LAMA3: variants seen among roughly 807,000 people sequenced by gnomAD.
LAMA3 encodes laminin subunit alpha-3.
In LAMA3, 281 loss-of-function variants were observed where a neutral mutation model predicts 402.0. The observed-to-expected ratio is 0.70, with a 90% CI of 0.63 to 0.77. The LOEUF is 0.77. Among genes scored for constraint, LAMA3 ranks in the 30% least tolerant of loss-of-function variants. The probability of loss-of-function intolerance (pLI) is 0.00; values close to 1 mark genes in which losing one functional copy is unlikely to be tolerated. For synonymous variants in LAMA3, 1,431 were observed against 1,558.4 expected (o/e 0.92, Z 1.93); for missense variants, 3,840 against 4,215.5 (o/e 0.91, Z 2.47).
At position 23,871,586 on chromosome 18, in the gene LAMA3, C is replaced by T. The variant is rs781251580; in HGVS notation, c.4923C>T (p.Asp1641=). ...AGGTGGGGCTAGAGGAAGCCTCTGACACAGGAAGTGGGCGCATAGCACTTG... is the reference window on the plus strand; with the variant it reads ...AGGTGGGGCTAGAGGAAGCCTCTGATACAGGAAGTGGGCGCATAGCACTTG... ...LSEVGLEEAS[D]TGSGRIALAV... Residue 1641 remains aspartate (D), a synonymous_variant, in exon 38 of 75, where the codon GAC becomes GAT. Coordinates refer to ENST00000313654, the MANE Select transcript of LAMA3 (RefSeq NM_198129.4). The T allele has an allele frequency of 2.1e-5, 34 of 1,614,014 alleles. No homozygotes were observed. Among genetic ancestry groups the T allele is most frequent in the East Asian group, 8.9e-5 (4 of 44,900 alleles).
intron 1 of LAMA3, among the ~76,000 whole-genome samples, chr18:23,704,300 G>A (rs571836635): frequency 3.4e-4 from 52 of 152,250 alleles, no homozygotes; most frequent in African/African-American, 8.7e-4. Context: ...GTTTCACACC[G>A]TCCAAATCTA....
intron 70 of LAMA3, 88 bp downstream of exon 70, chr18:23,946,372 T>C (rs2082714549): frequency 7.6e-7 from 1 of 1,321,990 alleles, no homozygotes; most frequent in African/African-American, 1.4e-5. Flanking sequence ...ATACTCACCA[T>C]ATGAGAATCT....
chr18:23,839,905 T>C lies in LAMA3; in HGVS notation c.3312T>C (p.Pro1104=), dbSNP rs766030256. ...CGTCACCTTCTGTTGATGTTCTTCC[T>C]GGGGTCACCTTGAAGGCACCGCAGG... ...QQSSPSVDVL[P]GVTLKAPQNQ... is the part of the protein sequence containing the mutation. The change falls in exon 27 of 75, where the codon CCT becomes CCC. Residue 1104 remains proline (P), a synonymous_variant. Transcript: ENST00000313654. The surrounding 1 kb of genome is among the most constrained non-coding windows in gnomAD (Gnocchi z 4.5). The C allele has an allele frequency of 3.1e-6, 5 of 1,614,224 alleles. No individual in the cohort carries two copies. The South Asian group carries it at 4.4e-5, about 14-fold the overall frequency.
At chr18:23,875,070 G>T (rs545687911) in intron 38 of LAMA3, among the ~76,000 whole-genome samples, 9 of 152,236 alleles carry the variant, frequency 5.9e-5, no homozygotes, top group Admixed American at 1.3e-4. Flanking sequence ...TCACCATGTT[G>T]CCCAGGCTGA....
intron 15 of LAMA3, 29 bp from the exon 16 acceptor site, chr18:23,815,159 A>C: frequency 1.2e-6 from 2 of 1,605,008 alleles, no homozygotes; most frequent in Non-Finnish European, 1.7e-6. Context: ...TGTCTCCCTT[A>C]GTTCAAGGAT....
intron 41 of LAMA3, among the ~76,000 whole-genome samples, chr18:23,889,694 A>AAGGG (rs1159391824): frequency 6.0e-5 from 5 of 83,000 alleles, no homozygotes; most frequent in African/African-American, 1.9e-4. Context: ...GGAAGGAAGG[A>AAGGG]AGGGAGGGAG....
rs2063783601 is a variant in LAMA3, at chr18:23,845,058, A to T, written c.3653A>T (p.His1218Leu). The change falls in exon 30 of 75, where the codon CAC becomes CTC. Residue 1218 changes from histidine (H) to leucine (L), a missense_variant. His to Leu is a moderately conservative substitution (Grantham distance 99, BLOSUM62 -3). This residue lies in a region of LAMA3 where 2,109 missense variants were observed against 2,376.0 expected (regional missense o/e 0.89). Transcript: ENST00000313654. Reference sequence around the variant, plus strand: ...GAAAACTATGACTACCAAATACTTCACAAAAAATCCATGGACAAGTCACTC... The same window carrying T: ...GAAAACTATGACTACCAAATACTTCTCAAAAAATCCATGGACAAGTCACTC... ...PAENYDYQILHKKSMDKSLEF... is the reference protein window; with the variant it reads ...PAENYDYQILLKKSMDKSLEF... 1 of 1,613,450 alleles carries T rather than the reference A, an allele frequency of 6.2e-7. No homozygotes were observed. The highest frequency in any genetic ancestry group is 1.3e-5 in the African/African-American group (1 of 74,912).
At chr18:23,789,011 G>A (rs1426836562) in intron 12 of LAMA3, among the ~76,000 whole-genome samples, 2 of 151,874 alleles carry the variant, frequency 1.3e-5, no homozygotes, top group African/African-American at 4.8e-5. Context: ...AAGGCAACCT[G>A]AAAATGAGTA....
At chr18:23,943,706 C>A in intron 68 of LAMA3, 82 bp from the exon 69 acceptor site, 1 of 1,318,702 alleles carries the variant, frequency 7.6e-7, no homozygotes, top group Non-Finnish European at 1.1e-6. Flanking sequence ...TGGGTGTTTG[C>A]TCCCCACCCT....
intron 1 of LAMA3, among the ~76,000 whole-genome samples, chr18:23,691,633 G>C (rs2145794977): frequency 6.6e-6 from 1 of 152,250 alleles, no homozygotes; most frequent in East Asian, 1.9e-4. Context: ...GTGCAGTGGT[G>C]CTATCTTGGC....
In LAMA3 at chr18:23,896,107, G is replaced by A. The variant is rs1351594575; in HGVS notation, c.5613+1049G>A. ...TCCCAGCGCTTTGGGAGGCCGAGGC[G>A]GGTAGATCACTTGAGCCCAGGACTT... On this transcript the variant is annotated intron_variant, in intron 44 of 74. Transcript: ENST00000313654. Among the ~76,000 whole-genome samples the A allele has an allele frequency of 3.9e-5, 6 of 152,080 alleles. No individual in the cohort carries two copies. The East Asian group carries it at 7.7e-4, about 20-fold the overall frequency.
At chr18:23,893,271 T>C (rs1389923394) in intron 42 of LAMA3, among the ~76,000 whole-genome samples, 2 of 152,166 alleles carry the variant, frequency 1.3e-5, no homozygotes, top group Non-Finnish European at 2.9e-5. Context: ...TGAGAGGACA[T>C]GTCAATGTCA....
Position 23,912,896 on chromosome 18 carries a change from G to A in LAMA3, c.7329+15G>A, listed in dbSNP as rs778567412. ...GAAATAAAGATGTAAGTATTGCTTG[G>A]ACATCTCTCTTGTTTTTGAAACAAT... On this transcript the variant is annotated intron_variant, in intron 56 of 74. Transcript: ENST00000313654. 6.2e-6 allele frequency: 10 copies of A among 1,607,998 alleles called. No individual in the cohort carries two copies. In the African/African-American group the frequency reaches 1.3e-4, roughly 21 times the overall value.
At chr18:23,856,681 C>T (rs544893880) in intron 32 of LAMA3, among the ~76,000 whole-genome samples, 1 of 152,154 alleles carries the variant, frequency 6.6e-6, no homozygotes. Flanking sequence ...CTCCCACCCC[C>T]CACTGTGCTT....
intron 34 of LAMA3, among the ~76,000 whole-genome samples, chr18:23,860,177 C>T (rs4800518): frequency 0.16 from 23,671 of 151,764 alleles, 4,129 homozygotes; most frequent in African/African-American, 0.42. Context: ...ACACCCCTCA[C>T]TTCTCATTTT....
chr18:23,857,805 CAA>C (rs1300431644), intron 32 of LAMA3, 37 bp from the exon 33 acceptor site: 1 of 1,613,916 alleles, frequency 6.2e-7, no homozygotes, highest in Non-Finnish European at 8.5e-7. Flanking sequence ...ATTGTGTGTA[CAA>C]AGATGATGAT....
At chr18:23,853,343 G>A (rs1487526386) in intron 32 of LAMA3, among the ~76,000 whole-genome samples, 2 of 152,088 alleles carry the variant, frequency 1.3e-5, no homozygotes, top group African/African-American at 4.8e-5. Flanking sequence ...GCGTGATCTC[G>A]GCTCACCGCA....
At chr18:23,885,103 C>T (rs1221241347) in intron 41 of LAMA3, among the ~76,000 whole-genome samples, 1 of 151,974 alleles carries the variant, frequency 6.6e-6, no homozygotes, top group Non-Finnish European at 1.5e-5. Flanking sequence ...AGTAGCTCTA[C>T]CTACATCCCC....
chr18:23,930,086 G>A (rs1410879770), intron 64 of LAMA3, among the ~76,000 whole-genome samples: 1 of 152,184 alleles, frequency 6.6e-6, no homozygotes. Flanking sequence ...ACCACACACT[G>A]TAAAACTTGT....
Sources: gnomAD v4.1 joint callset for allele counts (sites outside exome capture counted in the v4.1 genomes callset) on GRCh38, gnomAD v4.1.1 for gene constraint, gnomAD v4.1.1 regional missense constraint, Gnocchi (gnomAD v3.1) non-coding constraint, MANE v1.5 for transcripts, NCBI Gene and HGNC (gene_info 2026-07-23, HGNC 2026-07-21) for gene names.